Variants in NMU observed in about 807,000 individuals in gnomAD.
The protein encoded by NMU is neuromedin-U.
A neutral mutation model predicts 35.4 loss-of-function variants in NMU; 29 were observed. The observed-to-expected ratio is 0.82, with a 90% confidence interval of 0.61 to 1.12. The LOEUF (loss-of-function observed/expected upper bound fraction) is 1.12, where lower values mean the gene tolerates loss of function less well. Ranked by LOEUF, NMU falls within the 50% of genes most tolerant of loss-of-function variation. NMU has a pLI of 0.00. For synonymous variants in NMU, 78 were observed against 81.3 expected, an observed-to-expected ratio of 0.96 and a Z score of 0.22; for missense variants, 199 against 206.2, an observed-to-expected ratio of 0.97 and a Z score of 0.21.
intron 2 of NMU, among the ~76,000 whole-genome samples, chr4:55,618,721 CTCTTTCTTCTT>C (rs1734221022): frequency 6.9e-6 from 1 of 144,006 alleles, no homozygotes; most frequent in Admixed American, 7.2e-5. Flanking sequence ...TCTTTCTTCT[CTCTTTCTTCTT>C]TCTTTCTTTT....
rs940390265 is a variant in NMU at position 55,635,735 on chromosome 4, A to G, written c.112+346T>C. Among the ~76,000 whole-genome samples the G allele has an allele frequency of 2.6e-5, 4 of 152,242 alleles. No homozygotes were observed. In the East Asian group the frequency reaches 7.7e-4, roughly 29 times the overall value. On this transcript the variant is annotated intron_variant, in intron 1 of 9. Transcript: ENST00000264218. The stretch of plus-strand genomic sequence containing the variant: ...AAGGGAAAACATTTTAATGTTCACT[A>G]TTTTAGTACCCGTTTCCACGGGCCG...
At chr4:55,603,748 T>C (rs1733522609) in intron 7 of NMU, among the ~76,000 whole-genome samples, 1 of 150,914 alleles carries the variant, frequency 6.6e-6, no homozygotes, top group Non-Finnish European at 1.5e-5. Context: ...CCGTCTCTAC[T>C]AAAAATACAA....
rs759845419 is a variant in NMU, at chr4:55,630,430, G to A, written c.143C>T (p.Pro48Leu). Residue 48 changes from proline (P) to leucine (L), a missense_variant, in exon 2 of 10, where the codon CCT (proline) becomes CTT (leucine). Physicochemically the swap from Pro to Leu is moderately conservative, Grantham distance 98 (BLOSUM62 -3). Coordinates refer to ENST00000264218, the MANE Select transcript of NMU (RefSeq NM_006681.4). ...ATTCCACAACTGTAGCTGTTGTTCAGGCTGTAATCCTTGAGGTAATATTGG... is the reference window on the plus strand; with the variant it reads ...ATTCCACAACTGTAGCTGTTGTTCAAGCTGTAATCCTTGAGGTAATATTGG... ...GAPILPQGLQ[P>L]EQQLQLWNEI... The A allele has an allele frequency of 1.9e-6, 3 of 1,612,610 alleles. No individual in the cohort carries two copies. The Admixed American group carries it at 5.0e-5, about 27-fold the overall frequency.
Position 55,636,132 on chromosome 4 carries a change from G to T in NMU, c.61C>A (p.Pro21Thr). The T allele has an allele frequency of 6.6e-7, 1 of 1,524,980 alleles. No individual in the cohort carries two copies. The highest frequency in any genetic ancestry group is 8.8e-7 in the Non-Finnish European group (1 of 1,142,344). 94.5% of individuals were successfully genotyped at this position (1,524,980 alleles called of 1,614,324 possible). A position where few individuals can be genotyped will look rare whatever the true frequency, so the allele number is the denominator to read the frequency against. The change falls in exon 1 of 10, where the codon CCG (proline) becomes ACG (threonine). Residue 21 changes from proline (P) to threonine (T), a missense_variant. Transcript: ENST00000264218. The surrounding 1 kb of genome is among the most constrained non-coding windows in gnomAD (Gnocchi z 4.0). ...AGCAGCAGCAGCAGCAGCAGGAGCG[G>T]GGACGCCGCGGCCACCTGTCCGGCG... ...SPAGQVAAAS[P>T]LLLLLLLLAW...
At chr4:55,633,335 GA>G (rs10706337) in intron 1 of NMU, among the ~76,000 whole-genome samples, 5,463 of 121,566 alleles carry the variant, frequency 0.045, 326 homozygotes, top group African/African-American at 0.16. Flanking sequence ...CAACAAAAAA[GA>G]AAAAAAAAAA....
chr4:55,633,051 G>A (rs1400762427), intron 1 of NMU, among the ~76,000 whole-genome samples: 5 of 151,878 alleles, frequency 3.3e-5, no homozygotes, highest in East Asian at 3.9e-4. Context: ...CTGGCTGGGT[G>A]CAGTGGCTCA....
intron 7 of NMU, among the ~76,000 whole-genome samples, chr4:55,601,337 CT>C (rs1727052460): frequency 6.6e-6 from 1 of 152,074 alleles, no homozygotes; most frequent in African/African-American, 2.4e-5. Context: ...ACCATGAAAT[CT>C]TTCAGCCAAG....
At chr4:55,597,399 G>A (rs1306412254) in intron 9 of NMU, among the ~76,000 whole-genome samples, 5 of 146,494 alleles carry the variant, frequency 3.4e-5, no homozygotes, top group Non-Finnish European at 3.0e-5. Flanking sequence ...CTTTTTTTTT[G>A]CTCTTGTTGC....
chr4:55,612,174 A>C (rs756004314), intron 3 of NMU, among the ~76,000 whole-genome samples: 1 of 152,212 alleles, frequency 6.6e-6, no homozygotes, highest in Non-Finnish European at 1.5e-5. Context: ...ATCTGAAATA[A>C]AATCCCTATA....
intron 2 of NMU, among the ~76,000 whole-genome samples, chr4:55,617,536 C>A (rs1427837756): frequency 6.6e-6 from 1 of 152,066 alleles, no homozygotes; most frequent in East Asian, 1.9e-4. Flanking sequence ...AACACACACA[C>A]ACTGAGGGTA....
upstream of NMU, chr4:55,636,307 G>A (rs1303863355): frequency 5.5e-5 from 74 of 1,337,458 alleles, no homozygotes; most frequent in Admixed American, 1.9e-4. This position sits in a 1 kb window ranked among gnomAD's most constrained non-coding sequence, Gnocchi z 4.0. Flanking sequence ...CTGAGCGCCC[G>A]GCGAGCCGCC....
chr4:55,630,644 A>G (rs1044340905), intron 1 of NMU, among the ~76,000 whole-genome samples, 184 bp from the exon 2 acceptor site: 11 of 152,178 alleles, frequency 7.2e-5, no homozygotes, highest in Admixed American at 1.3e-4. Flanking sequence ...CCTTAATAAC[A>G]TTACGAAGAT....
intron 6 of NMU, 62 bp from the exon 7 acceptor site, chr4:55,605,411 C>G: frequency 8.5e-7 from 1 of 1,177,968 alleles, no homozygotes; most frequent in Non-Finnish European, 1.3e-6. Context: ...GCCATCAAGA[C>G]GGTTTCCTAT....
intron 9 of NMU, among the ~76,000 whole-genome samples, chr4:55,596,236 A>T (rs981726228): frequency 2.6e-5 from 4 of 152,164 alleles, no homozygotes; most frequent in Admixed American, 2.0e-4. Flanking sequence ...TGAGAAAAAC[A>T]AAGAAAAAAT....
chr4:55,607,032 G>C (rs190714346), intron 6 of NMU, among the ~76,000 whole-genome samples: 1 of 152,168 alleles, frequency 6.6e-6, no homozygotes, highest in Non-Finnish European at 1.5e-5. Flanking sequence ...TAGTACCTAG[G>C]ATTGTGCCTG....
At chr4:55,597,656 G>A (rs28435401) in intron 9 of NMU, among the ~76,000 whole-genome samples, 27,944 of 152,066 alleles carry the variant, frequency 0.18, 2,729 homozygotes, top group South Asian at 0.25. Context: ...GTGAGCCACC[G>A]TGCCCAGCCG....
intron 2 of NMU, among the ~76,000 whole-genome samples, chr4:55,618,544 T>C (rs1355701235): frequency 2.0e-5 from 3 of 152,222 alleles, no homozygotes; most frequent in Non-Finnish European, 4.4e-5. Flanking sequence ...ATTAACTATA[T>C]GTTCCTAGCA....
At chr4:55,625,797 A>G (rs1734502855) in intron 2 of NMU, among the ~76,000 whole-genome samples, 2 of 149,250 alleles carry the variant, frequency 1.3e-5, no homozygotes, top group South Asian at 4.3e-4. Context: ...CCCACTTAAC[A>G]CTGTCCATTG....
At chr4:55,605,417 C>T (rs1733640918) in intron 6 of NMU, 68 bp from the exon 7 acceptor site, 1 of 1,163,134 alleles carries the variant, frequency 8.6e-7, no homozygotes, top group Non-Finnish European at 1.3e-6. Flanking sequence ...AAGACGGTTT[C>T]CTATTTGTTT....
Sources: allele counts gnomAD v4.1 joint callset (sites outside exome capture counted in the v4.1 genomes callset), GRCh38; gene constraint gnomAD v4.1.1; non-coding constraint Gnocchi (gnomAD v3.1); transcripts MANE v1.5; gene names NCBI Gene and HGNC (gene_info 2026-07-23, HGNC 2026-07-21).